ASCC3: variants seen among roughly 807,000 people sequenced by gnomAD.
The protein encoded by ASCC3 is ASC-1 complex subunit P200.
In ASCC3, 158 loss-of-function variants were observed where a neutral mutation model predicts 256.3. The ratio of observed to expected loss-of-function variants is 0.62; its 90% CI spans 0.54 to 0.70. The LOEUF is 0.70. Ranked by LOEUF, ASCC3 falls within the 30% of genes least tolerant of loss-of-function variation. The pLI, the probability that ASCC3 is intolerant of heterozygous loss-of-function variation, is 0.00. For missense variants in ASCC3, 2,259 were observed against 2,626.0 expected (o/e 0.86, Z 3.05); for synonymous variants, 948 against 883.4 (o/e 1.07, Z -1.30).
chr6:100,653,450 A>C (rs1775767603), intron 17 of ASCC3, among the ~76,000 whole-genome samples: 1 of 151,954 alleles, frequency 6.6e-6, no homozygotes, highest in Non-Finnish European at 1.5e-5. Context: ...GCAGCCTGAC[A>C]AACAAGGAGA....
intron 8 of ASCC3, among the ~76,000 whole-genome samples, chr6:100,795,028 G>A (rs1285810502): frequency 6.6e-6 from 1 of 152,024 alleles, no homozygotes; most frequent in Non-Finnish European, 1.5e-5. Context: ...GTGGCTCATG[G>A]GGAGCTGATA....
intron 3 of ASCC3, among the ~76,000 whole-genome samples, chr6:100,849,572 C>G (rs1772559010): frequency 6.6e-6 from 1 of 151,970 alleles, no homozygotes; most frequent in South Asian, 2.1e-4. Flanking sequence ...AAAAAGAAAG[C>G]TCCTGTTTAA....
chr6:100,686,162 G>T (rs1777555956), intron 13 of ASCC3, among the ~76,000 whole-genome samples: 1 of 152,130 alleles, frequency 6.6e-6, no homozygotes, highest in African/African-American at 2.4e-5. Flanking sequence ...AAAACATGGG[G>T]TTGTTGTGAG....
intron 41 of ASCC3, 30 bp from the exon 42 acceptor site, chr6:100,509,563 A>G (rs1286108001): frequency 3.2e-6 from 5 of 1,583,614 alleles, no homozygotes; most frequent in Non-Finnish European, 4.3e-6. Flanking sequence ...GAAAAATGTA[A>G]AACCACTTTT....
intron 11 of ASCC3, among the ~76,000 whole-genome samples, chr6:100,718,969 C>G (rs1402439484): frequency 2.6e-5 from 4 of 151,992 alleles, no homozygotes; most frequent in African/African-American, 7.2e-5. Flanking sequence ...TCTGAGTAAG[C>G]TGTTAATAAT....
intron 10 of ASCC3, among the ~76,000 whole-genome samples, chr6:100,757,954 C>G (rs1459787517): frequency 6.6e-6 from 1 of 152,126 alleles, no homozygotes; most frequent in Non-Finnish European, 1.5e-5. Flanking sequence ...ACAACACCAG[C>G]CAAACACCAC....
chr6:100,740,506 T>G (rs1304711854), intron 10 of ASCC3, among the ~76,000 whole-genome samples: 1 of 152,202 alleles, frequency 6.6e-6, no homozygotes, highest in Non-Finnish European at 1.5e-5. Flanking sequence ...TCAGTCTCAG[T>G]GATCTGTCTA....
In ASCC3 at chr6:100,638,626, A is replaced by G; in HGVS notation, c.4097T>C (p.Val1366Ala). 6.2e-7 allele frequency: 1 copy of G among 1,613,172 alleles called. No homozygotes were observed. Among genetic ancestry groups the G allele is most frequent in the Non-Finnish European group, 8.5e-7 (1 of 1,179,248 alleles). The change falls in exon 25 of 42, where the codon GTC (valine) becomes GCC (alanine). Residue 1366 changes from valine to alanine, a missense_variant. Val to Ala is a moderately conservative substitution (Grantham distance 64). Coordinates refer to ENST00000369162, the MANE Select transcript of ASCC3 (RefSeq NM_006828.4). ...TVAAELAIFR[V>A]FNKYPTSKAV... ...CTTTGAAGTAGGGTATTTGTTGAAGACTCTGAAAATGGCTAATTCAGCTGC... is the reference window on the plus strand; with the variant it reads ...CTTTGAAGTAGGGTATTTGTTGAAGGCTCTGAAAATGGCTAATTCAGCTGC...
chr6:100,689,651 A>G (rs551111639), intron 13 of ASCC3, among the ~76,000 whole-genome samples: 1 of 152,304 alleles, frequency 6.6e-6, no homozygotes, highest in Non-Finnish European at 1.5e-5. Context: ...TTTGAATTTA[A>G]AAGTTTATAA....
chr6:100,660,728 T>G (rs1353203427), intron 16 of ASCC3, among the ~76,000 whole-genome samples: 1 of 151,578 alleles, frequency 6.6e-6, no homozygotes. Context: ...GTCCCAATTT[T>G]CTCATAAAAT....
At chr6:100,784,041 T>C (rs1206910453) in intron 8 of ASCC3, among the ~76,000 whole-genome samples, 1 of 152,152 alleles carries the variant, frequency 6.6e-6, no homozygotes, top group Non-Finnish European at 1.5e-5. Flanking sequence ...AACTCAGGTA[T>C]CTGACACCAA....
chr6:100,525,654 T>G (rs1386890504), intron 37 of ASCC3, among the ~76,000 whole-genome samples: 2 of 152,116 alleles, frequency 1.3e-5, no homozygotes, highest in African/African-American at 4.8e-5. Flanking sequence ...AGTATAGACT[T>G]TAGTTAATAA....
At chr6:100,545,071 T>TAA (rs894303751) in intron 36 of ASCC3, among the ~76,000 whole-genome samples, 20 of 152,040 alleles carry the variant, frequency 1.3e-4, no homozygotes, top group Admixed American at 6.5e-4. Flanking sequence ...ATCTCAGTTA[T>TAA]ACAGAAAAAA....
chr6:100,582,401 A>G (rs1405184163), intron 36 of ASCC3, among the ~76,000 whole-genome samples: 3,054 of 148,436 alleles, frequency 0.021, 104 homozygotes, highest in African/African-American at 0.076. Flanking sequence ...TGTTATTGGT[A>G]TATAAGAATG....
chr6:100,863,740 A>G (rs1007561497), intron 3 of ASCC3, among the ~76,000 whole-genome samples: 1 of 152,008 alleles, frequency 6.6e-6, no homozygotes, highest in Non-Finnish European at 1.5e-5. Context: ...ATCAGCCTCC[A>G]GAGTAGCTGG....
chr6:100,799,417 T>C lies in ASCC3; in HGVS notation c.1269+14A>G, dbSNP rs369066512. 3.8e-5 allele frequency: 62 copies of C among 1,611,054 alleles called. No individual in the cohort carries two copies. The highest frequency in any genetic ancestry group is 1.3e-4 in the African/African-American group (10 of 74,946). ...GACATATTATTGAACAGTAGTTATA[T>C]AACAATGACATACCTTTGCACCAGC... On this transcript the variant is annotated intron_variant, in intron 7 of 41. Coordinates refer to ENST00000369162, the MANE Select transcript of ASCC3 (RefSeq NM_006828.4).
At chr6:100,780,255 G>C (rs1317263755) in intron 8 of ASCC3, among the ~76,000 whole-genome samples, 1 of 152,058 alleles carries the variant, frequency 6.6e-6, no homozygotes, top group Non-Finnish European at 1.5e-5. Flanking sequence ...ACCCAGATGT[G>C]GTTAATGGCT....
intron 25 of ASCC3, among the ~76,000 whole-genome samples, chr6:100,631,490 G>A (rs1429784131): frequency 6.6e-6 from 1 of 151,416 alleles, no homozygotes; most frequent in East Asian, 1.9e-4. Context: ...AAGCATCAGA[G>A]GTATTTTCCT....
chr6:100,871,918 T>C (rs183232054), intron 1 of ASCC3, among the ~76,000 whole-genome samples: 19 of 152,354 alleles, frequency 1.2e-4, no homozygotes, highest in Admixed American at 1.2e-3. Flanking sequence ...AGTATGTATG[T>C]ACACTGTACA....
Sources: allele counts gnomAD v4.1 joint callset (sites outside exome capture counted in the v4.1 genomes callset), GRCh38; gene constraint gnomAD v4.1.1; transcripts MANE v1.5; gene names NCBI Gene and HGNC (gene_info 2026-07-23, HGNC 2026-07-21).